TCF7L2: variants seen among roughly 807,000 people sequenced by gnomAD.
TCF7L2 encodes transcription factor 7-like 2.
Under a neutral mutation model 77.9 loss-of-function variants are expected in TCF7L2, and 23 were observed. The ratio of observed to expected loss-of-function variants is 0.30; its 90% CI spans 0.21 to 0.42. The LOEUF (loss-of-function observed/expected upper bound fraction) is 0.42, where lower values mean the gene tolerates loss of function less well. Among genes scored for constraint, TCF7L2 ranks in the 10% least tolerant of loss-of-function variants. The pLI is 1.00. For missense variants in TCF7L2, 654 were observed against 793.1 expected (o/e 0.82, Z 2.11); for synonymous variants, 413 against 340.2 (o/e 1.21, Z -2.36).
At chr10:113,104,727 G>T (rs1335669926) in intron 5 of TCF7L2, among the ~76,000 whole-genome samples, 1 of 152,214 alleles carries the variant, frequency 6.6e-6, no homozygotes, top group Non-Finnish European at 1.5e-5. Flanking sequence ...AAAGCCTGAA[G>T]ATCTGTACCC....
chr10:113,138,427 A>G (rs900879903), intron 5 of TCF7L2, among the ~76,000 whole-genome samples: 3 of 152,018 alleles, frequency 2.0e-5, no homozygotes, highest in Admixed American at 1.3e-4. Flanking sequence ...TTAATTTTTA[A>G]ATCTCACACT....
chr10:112,991,301 G>A (rs188343365), intron 4 of TCF7L2, among the ~76,000 whole-genome samples: 79 of 152,084 alleles, frequency 5.2e-4, no homozygotes, highest in African/African-American at 1.8e-3. Context: ...AGGCTGAGGC[G>A]GGCGGATCAC....
intron 4 of TCF7L2, among the ~76,000 whole-genome samples, chr10:113,001,918 G>A (rs2044558378): frequency 6.6e-6 from 1 of 152,198 alleles, no homozygotes; most frequent in African/African-American, 2.4e-5. Context: ...AGCATAGGCA[G>A]GAAGGGCTTT....
intron 5 of TCF7L2, among the ~76,000 whole-genome samples, chr10:113,051,072 TGTTCCACTCG>T (rs917484578): frequency 6.6e-6 from 1 of 152,082 alleles, no homozygotes; most frequent in Non-Finnish European, 1.5e-5. Flanking sequence ...ACACTTCCCT[TGTTCCACTCG>T]GTTCTGTTGC....
At chr10:113,102,684 T>G (rs2061804420) in intron 5 of TCF7L2, among the ~76,000 whole-genome samples, 1 of 152,202 alleles carries the variant, frequency 6.6e-6, no homozygotes, top group East Asian at 1.9e-4. Flanking sequence ...CCTCGGCCCC[T>G]CTAAGTACTG....
At chr10:113,142,561 TTGG>T (rs1257107862) in intron 6 of TCF7L2, among the ~76,000 whole-genome samples, 1 of 152,118 alleles carries the variant, frequency 6.6e-6, no homozygotes, top group Non-Finnish European at 1.5e-5. Context: ...TTAGAGGGGA[TTGG>T]TAGTGTTGGG....
chr10:112,966,392 C>T (rs1035929651), intron 4 of TCF7L2, among the ~76,000 whole-genome samples: 3 of 151,692 alleles, frequency 2.0e-5, no homozygotes, highest in Admixed American at 6.6e-5. Context: ...CCTCCTTCTT[C>T]CTTTTGATGG....
At chr10:113,007,854 ACTTGCTATCTGC>A (rs1173783040) in intron 4 of TCF7L2, among the ~76,000 whole-genome samples, 33 of 152,176 alleles carry the variant, frequency 2.2e-4, no homozygotes, top group Non-Finnish European at 2.6e-4. Context: ...CGATTCCGGG[ACTTGCTATCTGC>A]CTGCCTTTTG....
rs191679089 is a variant in TCF7L2 at position 113,149,660 on chromosome 10, G to A, written c.876-1338G>A. 3.4e-3 allele frequency among the ~76,000 whole-genome samples: 509 copies of A among 150,302 alleles called. 1 individual carries two copies. Among genetic ancestry groups the A allele is most frequent in the Middle Eastern group, 6.8e-3 (2 of 292 alleles). On this transcript the variant is annotated intron_variant, in intron 8 of 13. Transcript: ENST00000627217. ...ACAGAATCATTTTGGAAGAATTGTC[G>A]TGATCGATCCTCATTAGGCCCTCTA...
At chr10:113,006,496 G>A (rs1233406105) in intron 4 of TCF7L2, among the ~76,000 whole-genome samples, 4 of 152,082 alleles carry the variant, frequency 2.6e-5, no homozygotes, top group Non-Finnish European at 5.9e-5. Flanking sequence ...AGCAAAGTGC[G>A]CAGACCTAGG....
chr10:113,135,125 T>A (rs1157435840), intron 5 of TCF7L2, among the ~76,000 whole-genome samples: 2 of 152,178 alleles, frequency 1.3e-5, no homozygotes, highest in Admixed American at 6.5e-5. Context: ...AGCAGAGGGA[T>A]CTTAGAAGTG....
rs2136990572 is a variant in TCF7L2, at chr10:113,146,076, C to G, written c.854C>G (p.Thr285Ser). 1 of 1,609,284 alleles carries G rather than the reference C, an allele frequency of 6.2e-7. No individual in the cohort carries two copies. The highest frequency in any genetic ancestry group is 8.5e-7 in the Non-Finnish European group (1 of 1,177,206). The change falls in exon 8 of 14, where the codon ACC becomes AGC. Residue 285 changes from threonine to serine, a missense_variant. Physicochemically the swap from Thr to Ser is moderately conservative, Grantham distance 58. Around this residue, in one of 6 missense-constraint regions of TCF7L2, gnomAD observed 179 missense variants for 270.6 expected, o/e 0.66. Transcript: ENST00000627217. The stretch of plus-strand genomic sequence containing the variant: ...AGACACCCCTACCCCACAGCTCTGA[C>G]CGTCAATGCTTCCATGTCCAGGTGA...
At chr10:113,054,743 T>C (rs2055062341) in intron 5 of TCF7L2, among the ~76,000 whole-genome samples, 1 of 152,184 alleles carries the variant, frequency 6.6e-6, no homozygotes, top group South Asian at 2.1e-4. Context: ...CTTTTCGACA[T>C]CTATTTATAT....
chr10:113,151,647 G>A lies in TCF7L2; in HGVS notation c.1002-78G>A, dbSNP rs2137144113. On this transcript the variant is annotated intron_variant, in intron 9 of 13. Coordinates refer to ENST00000627217, the MANE Select transcript of TCF7L2 (RefSeq NM_001146274.2). The surrounding 1 kb of genome is among the most constrained non-coding windows in gnomAD (Gnocchi z 5.2). ...GCTAGGCTTGGGGGTTATGAGACAA[G>A]GAGATACGTTCCCTGCCATGGAGGA... 6.7e-7 allele frequency: 1 copy of A among 1,497,674 alleles called. No individual in the cohort carries two copies. The highest frequency in any genetic ancestry group is 8.9e-7 in the Non-Finnish European group (1 of 1,126,788). 92.8% of individuals were successfully genotyped at this position (1,497,674 alleles called of 1,614,324 possible).
chr10:113,081,620 CTG>C (rs962644610), intron 5 of TCF7L2, among the ~76,000 whole-genome samples: 4 of 152,162 alleles, frequency 2.6e-5, no homozygotes, highest in African/African-American at 7.2e-5. Flanking sequence ...GACAGAGACT[CTG>C]TCAGTTGCAT....
At chr10:113,160,733 C>A (rs2137471980) in intron 13 of TCF7L2, 1 of 1,541,848 alleles carries the variant, frequency 6.5e-7, no homozygotes, top group African/African-American at 1.4e-5. Flanking sequence ...TCAAAGCATT[C>A]TGTCCTTCCG....
At chr10:112,966,248 A>G (rs1431779791) in intron 4 of TCF7L2, among the ~76,000 whole-genome samples, 2 of 144,534 alleles carry the variant, frequency 1.4e-5, no homozygotes, top group Admixed American at 6.9e-5. Flanking sequence ...TGTGCCGCCA[A>G]CCTTCTTATG....
chr10:113,117,873 C>T (rs2064084504), intron 5 of TCF7L2, among the ~76,000 whole-genome samples: 2 of 152,258 alleles, frequency 1.3e-5, no homozygotes, highest in South Asian at 2.1e-4. Context: ...AAGTCCGAGG[C>T]GGTTGTCTGG....
intron 4 of TCF7L2, among the ~76,000 whole-genome samples, chr10:112,984,740 C>T (rs2041166940): frequency 6.6e-6 from 1 of 152,106 alleles, no homozygotes; most frequent in African/African-American, 2.4e-5. Context: ...CTGAACACTC[C>T]TAGGTCTGCT....
Sources: allele counts gnomAD v4.1 joint callset (sites outside exome capture counted in the v4.1 genomes callset), GRCh38; gene constraint gnomAD v4.1.1; regional missense constraint gnomAD v4.1.1; non-coding constraint Gnocchi (gnomAD v3.1); transcripts MANE v1.5; gene names NCBI Gene and HGNC (gene_info 2026-07-23, HGNC 2026-07-21).